Variants in GLTP observed in about 807,000 individuals in gnomAD.
The protein encoded by GLTP is glycolipid transfer protein.
GLTP carries 22 observed loss-of-function variants against 24.0 expected under a neutral mutation model. That is an observed-to-expected ratio of 0.92 (90% CI 0.65 to 1.31). GLTP has a LOEUF of 1.31. Among genes scored for constraint, GLTP ranks in the 50% most tolerant of loss-of-function variants. GLTP has a pLI of 0.00. For missense variants in GLTP, 224 were observed against 276.6 expected, an observed-to-expected ratio of 0.81 and a Z score of 1.35; for synonymous variants, 92 against 115.9, an observed-to-expected ratio of 0.79 and a Z score of 1.33.
rs1212559816 is a variant in GLTP, at chr12:109,880,173, G to T, written c.103+99C>A. 1.4e-6 allele frequency: 1 copy of T among 691,954 alleles called. No homozygotes were observed. Among genetic ancestry groups the T allele is most frequent in the Admixed American group, 2.3e-5 (1 of 43,624 alleles). 42.9% of individuals were successfully genotyped at this position (691,954 alleles called of 1,614,324 possible). A position where few individuals can be genotyped will look rare whatever the true frequency, so the allele number is the denominator to read the frequency against. ...TGGGTGCCTGGGGAAACAGTACTTA[G>T]GGGTGTCTAGGGCAGAGATGGTTAG... is the stretch of plus-strand genomic sequence containing the variant. On this transcript the variant is annotated intron_variant, in intron 1 of 4. Coordinates refer to ENST00000318348, the MANE Select transcript of GLTP (RefSeq NM_016433.4). The surrounding 1 kb of genome is among the most constrained non-coding windows in gnomAD (Gnocchi z 5.1).
intron 4 of GLTP, among the ~76,000 whole-genome samples, chr12:109,853,161 A>C (rs1221457133): frequency 6.6e-6 from 1 of 152,206 alleles, no homozygotes; most frequent in Non-Finnish European, 1.5e-5. Flanking sequence ...GTAGGTGTTC[A>C]GCATGGGTGA....
intron 1 of GLTP, among the ~76,000 whole-genome samples, chr12:109,864,733 A>G (rs1868473236): frequency 6.6e-6 from 1 of 152,194 alleles, no homozygotes; most frequent in Non-Finnish European, 1.5e-5. Flanking sequence ...TTTGAACTCA[A>G]AGAATGTTTC....
chr12:109,870,434 C>T (rs1868683777), intron 1 of GLTP, among the ~76,000 whole-genome samples: 1 of 151,882 alleles, frequency 6.6e-6, no homozygotes. Context: ...CATGCCACTG[C>T]ACTCCAGCCT....
rs751499219 is a variant in GLTP at position 109,851,137 on chromosome 12, C to T, written c.*1418G>A. 1 of 152,520 alleles carries T rather than the reference C, an allele frequency of 6.6e-6. No homozygotes were observed. The highest frequency in any genetic ancestry group is 2.1e-4 in the South Asian group (1 of 4,826). The allele number at this position is 152,520 out of a possible 1,614,324, so 9.4% of individuals were successfully genotyped here. On this transcript the variant is annotated 3_prime_UTR_variant, in exon 5 of 5. Transcript: ENST00000318348. The stretch of plus-strand genomic sequence containing the variant: ...AACAGTTAAGGTTAAGGCAGTGAGG[C>T]GTTTTCTTGGATCTTAGCAGCTGAA...
At position 109,880,025 on chromosome 12, in the gene GLTP, A is replaced by C. The variant is rs1159173429; in HGVS notation, c.103+247T>G. Among the ~76,000 whole-genome samples the C allele has an allele frequency of 6.6e-6, 1 of 151,702 alleles. No homozygotes were observed. The highest frequency in any genetic ancestry group is 1.5e-5 in the Non-Finnish European group (1 of 67,918). On this transcript the variant is annotated intron_variant, in intron 1 of 4. Transcript: ENST00000318348. This position sits in a 1 kb window ranked among gnomAD's most constrained non-coding sequence, Gnocchi z 5.1. Reference sequence around the variant, plus strand: ...CATTTGGGGGATATGTAGGACTGTGAGGTGTCTAGGGAGAGGGAGGATTTG... The same window carrying C: ...CATTTGGGGGATATGTAGGACTGTGCGGTGTCTAGGGAGAGGGAGGATTTG...
Position 109,855,578 on chromosome 12 carries a change from T to A in GLTP, c.447+41A>T. ...CAGGGGCAGAGTGGGGAGCAGAATC[T>A]GCAAGCTGGTGGTCCTTTGGGGCTC... On this transcript the variant is annotated intron_variant, in intron 4 of 4. Coordinates refer to ENST00000318348, the MANE Select transcript of GLTP (RefSeq NM_016433.4). This position sits in a 1 kb window ranked among gnomAD's most constrained non-coding sequence, Gnocchi z 4.1. 6.6e-7 allele frequency: 1 copy of A among 1,506,768 alleles called. No individual in the cohort carries two copies. The highest frequency in any genetic ancestry group is 1.3e-5 in the South Asian group (1 of 76,028). 93.3% of individuals were successfully genotyped at this position (1,506,768 alleles called of 1,614,324 possible).
chr12:109,869,632 T>TG (rs978297004), intron 1 of GLTP, among the ~76,000 whole-genome samples: 5 of 148,820 alleles, frequency 3.4e-5, no homozygotes, highest in South Asian at 2.1e-4. Flanking sequence ...ATTTTTTTTT[T>TG]TTTGTTTTTT....
intron 4 of GLTP, among the ~76,000 whole-genome samples, chr12:109,854,109 G>A (rs1371170804): frequency 6.6e-6 from 1 of 150,974 alleles, no homozygotes; most frequent in African/African-American, 2.4e-5. Context: ...TGTAATCCCA[G>A]CACTTTGGGA....
At chr12:109,868,124 T>A (rs758307690) in intron 1 of GLTP, among the ~76,000 whole-genome samples, 456 of 152,268 alleles carry the variant, frequency 3.0e-3, no homozygotes, top group Middle Eastern at 0.017. Flanking sequence ...CCAGCCTCAG[T>A]CTCTGGAGTA....
chr12:109,858,798 C>A (rs1892836199), intron 1 of GLTP, 57 bp from the exon 2 acceptor site: 2 of 1,121,000 alleles, frequency 1.8e-6, no homozygotes, highest in Non-Finnish European at 2.7e-6. Context: ...TTTTTCAGGG[C>A]CACCGCAGGC....
rs765906968 is a variant in GLTP, at chr12:109,880,355, T to G, written c.20A>C (p.His7Pro). The change falls in exon 1 of 5, where the codon CAC (histidine) becomes CCC (proline). Residue 7 changes from histidine (H) to proline (P), a missense_variant. His to Pro is a moderately conservative substitution (Grantham distance 77, BLOSUM62 -2). Coordinates refer to ENST00000318348, the MANE Select transcript of GLTP (RefSeq NM_016433.4). The surrounding 1 kb of genome is among the most constrained non-coding windows in gnomAD (Gnocchi z 5.1). Reference sequence around the variant, plus strand: ...GTCCGCGGGCAGCGGCTTCAGCAAGTGTTCGGCCAGCAGCGCCATTTCGGG... The same window carrying G: ...GTCCGCGGGCAGCGGCTTCAGCAAGGGTTCGGCCAGCAGCGCCATTTCGGG... MALLAE[H>P]LLKPLPADKQ... The G allele has an allele frequency of 1.9e-6, 3 of 1,588,594 alleles. No homozygotes were observed. The African/African-American group carries it at 4.1e-5, about 22-fold the overall frequency.
chr12:109,858,783 A>C, intron 1 of GLTP, 42 bp from the exon 2 acceptor site: 1 of 1,438,696 alleles, frequency 7.0e-7, no homozygotes, highest in African/African-American at 1.4e-5. Context: ...TCGCAGCAAG[A>C]GTGATTTTTC....
chr12:109,870,891 G>T (rs896147306), intron 1 of GLTP, among the ~76,000 whole-genome samples: 1 of 152,066 alleles, frequency 6.6e-6, no homozygotes, highest in Non-Finnish European at 1.5e-5. Context: ...GCTTCTAGAA[G>T]ACCCTGGAGA....
At chr12:109,864,265 G>C (rs369200402) in intron 1 of GLTP, among the ~76,000 whole-genome samples, 3 of 152,252 alleles carry the variant, frequency 2.0e-5, no homozygotes, top group African/African-American at 7.2e-5. Flanking sequence ...AGGAAAGGCA[G>C]CTCTGTATGC....
Position 109,857,766 on chromosome 12 carries a change from C to A in GLTP, c.163-107G>T, listed in dbSNP as rs1422029231. On this transcript the variant is annotated intron_variant, in intron 2 of 4. Coordinates refer to ENST00000318348, the MANE Select transcript of GLTP (RefSeq NM_016433.4). This position sits in a 1 kb window ranked among gnomAD's most constrained non-coding sequence, Gnocchi z 4.3. ...TACCGGCATCTCCTGCTCCTTCCTGCCCTCCAGGAACAGCAGGGATAAGAC... is the reference window on the plus strand; with the variant it reads ...TACCGGCATCTCCTGCTCCTTCCTGACCTCCAGGAACAGCAGGGATAAGAC... 9.0e-7 allele frequency: 1 copy of A among 1,110,768 alleles called. No individual in the cohort carries two copies. The highest frequency in any genetic ancestry group is 2.3e-5 in the East Asian group (1 of 42,626). 68.8% of individuals were successfully genotyped at this position (1,110,768 alleles called of 1,614,324 possible). A position where few individuals can be genotyped will look rare whatever the true frequency, so the allele number is the denominator to read the frequency against.
chr12:109,871,769 T>A (rs1449817318), intron 1 of GLTP, among the ~76,000 whole-genome samples: 1 of 152,232 alleles, frequency 6.6e-6, no homozygotes, highest in Non-Finnish European at 1.5e-5. Context: ...GGTCATACGT[T>A]ATATTTTATA....
rs1453578259 is a variant in GLTP, at chr12:109,857,173, G to T, written c.296+353C>A. ...AGTACGCAACCTGCATAACTGTGCT[G>T]GATGACATGGGCACGTGATTTGGCC... On this transcript the variant is annotated intron_variant, in intron 3 of 4. Coordinates refer to ENST00000318348, the MANE Select transcript of GLTP (RefSeq NM_016433.4). This position sits in a 1 kb window ranked among gnomAD's most constrained non-coding sequence, Gnocchi z 4.3. 2.0e-5 allele frequency among the ~76,000 whole-genome samples: 3 copies of T among 152,210 alleles called. No individual in the cohort carries two copies. The highest frequency in any genetic ancestry group is 7.2e-5 in the African/African-American group (3 of 41,456).
chr12:109,879,778 G>T (rs1869007440), intron 1 of GLTP, among the ~76,000 whole-genome samples: 1 of 152,134 alleles, frequency 6.6e-6, no homozygotes, highest in Admixed American at 6.6e-5. Flanking sequence ...AGAAGGAAGG[G>T]TTTGTAGGTC....
chr12:109,875,263 G>A (rs1868847382), intron 1 of GLTP, among the ~76,000 whole-genome samples: 1 of 152,144 alleles, frequency 6.6e-6, no homozygotes. Flanking sequence ...TTCTGGATAA[G>A]GTAACTCCTT....
Sources: gnomAD v4.1 joint callset for allele counts (sites outside exome capture counted in the v4.1 genomes callset) on GRCh38, gnomAD v4.1.1 for gene constraint, Gnocchi (gnomAD v3.1) non-coding constraint, MANE v1.5 for transcripts, NCBI Gene and HGNC (gene_info 2026-07-23, HGNC 2026-07-21) for gene names.